ZNF704: variants seen among roughly 807,000 people sequenced by gnomAD.
The protein encoded by ZNF704 is zinc finger protein 704.
ZNF704 carries 10 observed loss-of-function variants against 44.7 expected under a neutral mutation model. The ratio of observed to expected loss-of-function variants is 0.22; its 90% CI spans 0.14 to 0.38. ZNF704 has a LOEUF of 0.38. Among genes scored for constraint, ZNF704 ranks in the 10% least tolerant of loss-of-function variants. The pLI is 1.00. For missense variants in ZNF704, 390 were observed against 545.5 expected (o/e 0.71, Z 2.84); for synonymous variants, 211 against 207.6 (o/e 1.02, Z -0.14).
intron 1 of ZNF704, among the ~76,000 whole-genome samples, chr8:80,859,583 T>C (rs1277278589): frequency 6.6e-6 from 1 of 152,238 alleles, no homozygotes; most frequent in Non-Finnish European, 1.5e-5. Context: ...ATGATGCTGT[T>C]GTGTGAATTC....
chr8:80,843,755 A>G (rs1277480158), intron 1 of ZNF704, among the ~76,000 whole-genome samples: 1 of 152,184 alleles, frequency 6.6e-6, no homozygotes, highest in Non-Finnish European at 1.5e-5. Context: ...TAAAAATTGT[A>G]AAGCTTGAAT....
chr8:80,878,265 G>A (rs772261832), upstream of ZNF704, among the ~76,000 whole-genome samples: 22 of 77,634 alleles, frequency 2.8e-4, no homozygotes, highest in African/African-American at 9.6e-4. Flanking sequence ...AGGAAGGAAG[G>A]AAGGAAGGAA....
intron 4 of ZNF704, among the ~76,000 whole-genome samples, chr8:80,673,070 T>A (rs1303028758): frequency 6.6e-6 from 1 of 152,244 alleles, no homozygotes; most frequent in Non-Finnish European, 1.5e-5. Context: ...CTACTAAAAT[T>A]GTAATGTGAT....
rs554396197 is a variant in ZNF704 at position 80,643,343 on chromosome 8, C to A, written c.1033-214G>T. ...AATCAGCCTGGCCAACATGGTGAAA[C>A]CCCGTCTGTACCAAAAAGTACAAAA... On this transcript the variant is annotated intron_variant, in intron 7 of 8. Transcript: ENST00000327835. Among the ~76,000 whole-genome samples, 3 of 151,832 alleles carry A rather than the reference C, an allele frequency of 2.0e-5. No individual in the cohort carries two copies. The East Asian group carries it at 5.8e-4, about 29-fold the overall frequency.
chr8:80,785,677 G>A (rs550492022), intron 2 of ZNF704, among the ~76,000 whole-genome samples: 1 of 152,240 alleles, frequency 6.6e-6, no homozygotes, highest in South Asian at 2.1e-4. Context: ...CCTTTGACAT[G>A]TTGCCATCAG....
chr8:80,741,033 A>G (rs1806747144), intron 2 of ZNF704, among the ~76,000 whole-genome samples: 1 of 152,240 alleles, frequency 6.6e-6, no homozygotes, highest in Non-Finnish European at 1.5e-5. Context: ...GGCTAAAATT[A>G]TCCAAAGGCA....
At chr8:80,780,780 C>T (rs1012640778) in intron 2 of ZNF704, among the ~76,000 whole-genome samples, 4 of 152,092 alleles carry the variant, frequency 2.6e-5, no homozygotes, top group African/African-American at 9.7e-5. Flanking sequence ...TGGGTTCTTT[C>T]CCTAGACCCC....
At chr8:80,866,682 G>T (rs1176212229) in intron 1 of ZNF704, among the ~76,000 whole-genome samples, 1 of 152,132 alleles carries the variant, frequency 6.6e-6, no homozygotes, top group African/African-American at 2.4e-5. Context: ...CATGGGGAGG[G>T]AAAGGCTCCC....
At chr8:80,690,061 A>T (rs1211107296) in intron 3 of ZNF704, among the ~76,000 whole-genome samples, 3 of 114,630 alleles carry the variant, frequency 2.6e-5, no homozygotes, top group Non-Finnish European at 4.7e-5. Flanking sequence ...TTTTTTTCCT[A>T]AAAAAAAAAA....
At chr8:80,768,473 T>C (rs1042666604) in intron 2 of ZNF704, among the ~76,000 whole-genome samples, 4 of 152,164 alleles carry the variant, frequency 2.6e-5, no homozygotes, top group South Asian at 2.1e-4. Flanking sequence ...TATTCAATAA[T>C]AATAAGGCAT....
intron 2 of ZNF704, among the ~76,000 whole-genome samples, chr8:80,775,058 G>GA (rs58402245): frequency 6.6e-6 from 1 of 152,072 alleles, no homozygotes; most frequent in Non-Finnish European, 1.5e-5. Context: ...GGAAGAAATA[G>GA]AAAAAACTAT....
At chr8:80,742,355 G>A (rs368060400) in intron 2 of ZNF704, among the ~76,000 whole-genome samples, 123 of 152,248 alleles carry the variant, frequency 8.1e-4, no homozygotes, top group Non-Finnish European at 1.3e-3. Context: ...GGCTAGCCAC[G>A]AAAGAAGGAA....
chr8:80,762,332 TTTAA>T (rs1807146025), intron 2 of ZNF704, among the ~76,000 whole-genome samples: 1 of 152,032 alleles, frequency 6.6e-6, no homozygotes, highest in Non-Finnish European at 1.5e-5. Flanking sequence ...AGGAAAGAGG[TTTAA>T]TTAACTCACA....
At chr8:80,852,871 T>C (rs11776477) in intron 1 of ZNF704, among the ~76,000 whole-genome samples, 1 of 152,204 alleles carries the variant, frequency 6.6e-6, no homozygotes. Context: ...CCTAGCATGG[T>C]GTTTTGCATA....
intron 4 of ZNF704, 141 bp from the exon 5 acceptor site, chr8:80,670,744 T>C (rs558777284): frequency 4.8e-6 from 3 of 621,464 alleles, no homozygotes; most frequent in Non-Finnish European, 8.7e-6. Flanking sequence ...CACACTATTG[T>C]AGGCATCCCT....
chr8:80,824,027 A>G (rs1270527133), intron 1 of ZNF704, among the ~76,000 whole-genome samples: 1 of 152,216 alleles, frequency 6.6e-6, no homozygotes, highest in Non-Finnish European at 1.5e-5. Context: ...TTCTCCTCCA[A>G]AGAAATGCAC....
chr8:80,744,966 T>C (rs750114700), intron 2 of ZNF704, among the ~76,000 whole-genome samples: 4 of 152,310 alleles, frequency 2.6e-5, no homozygotes, highest in South Asian at 2.1e-4. Flanking sequence ...ATGACACTTG[T>C]ATGCATTAAA....
chr8:80,819,013 T>A (rs766482130), intron 2 of ZNF704, among the ~76,000 whole-genome samples: 16 of 152,140 alleles, frequency 1.1e-4, no homozygotes, highest in South Asian at 4.1e-4. Context: ...TCTCACCAAC[T>A]GCTGGCACAC....
intron 1 of ZNF704, among the ~76,000 whole-genome samples, chr8:80,870,943 A>G (rs1809241642): frequency 6.6e-6 from 1 of 152,148 alleles, no homozygotes; most frequent in South Asian, 2.1e-4. Context: ...GGTTTTCCTA[A>G]TCTTAGTAAA....
Sources: allele counts gnomAD v4.1 joint callset (sites outside exome capture counted in the v4.1 genomes callset), GRCh38; gene constraint gnomAD v4.1.1; transcripts MANE v1.5; gene names NCBI Gene and HGNC (gene_info 2026-07-23, HGNC 2026-07-21).